The following OSBPL3 variants were observed in gnomAD, a reference collection of about 807,000 sequenced individuals.
OSBPL3 encodes the protein oxysterol-binding protein-related protein 3.
Under a neutral mutation model 120.1 loss-of-function variants are expected in OSBPL3, and 65 were observed. That is an observed-to-expected ratio of 0.54 (90% confidence interval 0.44 to 0.67). The LOEUF (loss-of-function observed/expected upper bound fraction) is 0.67. OSBPL3 is among the 30% of genes least tolerant of loss of function. The probability of loss-of-function intolerance (pLI) is 0.00; values close to 1 mark genes in which losing one functional copy is unlikely to be tolerated. For missense variants in OSBPL3, 1,004 were observed against 1,082.1 expected (o/e 0.93, Z 1.01); for synonymous variants, 416 against 402.6 (o/e 1.03, Z -0.40).
chr7:24,928,631 T>C (rs1811401264), intron 1 of OSBPL3, among the ~76,000 whole-genome samples: 1 of 152,148 alleles, frequency 6.6e-6, no homozygotes, highest in Non-Finnish European at 1.5e-5. Flanking sequence ...AATCAACACC[T>C]CAAAGAACAT....
At chr7:24,917,382 C>CATATATATATATTTGTAACATATATAT (rs775028214) in intron 1 of OSBPL3, among the ~76,000 whole-genome samples, 4 of 97,030 alleles carry the variant, frequency 4.1e-5, no homozygotes, top group Non-Finnish European at 6.0e-5. Context: ...ATATTTGTAA[C>CATATATATATATTTGTAACATATATAT]ATATATATAT....
chr7:24,918,268 T>C lies in OSBPL3; in HGVS notation c.-149-25647A>G, dbSNP rs1425729373. ...CAGTGTGCTTTCCTACTTGACCCTA[T>C]CCTCCCTAAGTTTCCCTCCTTGGTT... On this transcript the variant is annotated intron_variant, in intron 1 of 22. Coordinates refer to ENST00000313367, the MANE Select transcript of OSBPL3 (RefSeq NM_015550.4). This position sits in a 1 kb window ranked among gnomAD's most constrained non-coding sequence, Gnocchi z 4.3. Among the ~76,000 whole-genome samples the C allele has an allele frequency of 2.0e-5, 3 of 152,162 alleles. No homozygotes were observed. Among genetic ancestry groups the C allele is most frequent in the African/African-American group, 7.2e-5 (3 of 41,442 alleles).
rs1202066498 is a variant in OSBPL3 at position 24,940,230 on chromosome 7, A to G, written c.-150+39656T>C. 6.6e-6 allele frequency among the ~76,000 whole-genome samples: 1 copy of G among 152,200 alleles called. No homozygotes were observed. The highest frequency in any genetic ancestry group is 1.5e-5 in the Non-Finnish European group (1 of 68,012). The stretch of plus-strand genomic sequence containing the variant: ...TTTCAGATCAAAAGCTTCTGTTAAT[A>G]TTAAAATCATAAATTTGTAAGAAAG... On this transcript the variant is annotated intron_variant, in intron 1 of 22. Transcript: ENST00000313367. The surrounding 1 kb of genome is among the most constrained non-coding windows in gnomAD (Gnocchi z 4.4).
Position 24,844,715 on chromosome 7 carries a change from A to G in OSBPL3, c.1267-2302T>C, listed in dbSNP as rs530088445. On this transcript the variant is annotated intron_variant, in intron 12 of 22. Transcript: ENST00000313367. The stretch of plus-strand genomic sequence containing the variant: ...GAAAATAAAAATAGGTATTCAAAAT[A>G]GAAAATTTTAAAAAAGCAAATTAAA... 2.6e-5 allele frequency among the ~76,000 whole-genome samples: 4 copies of G among 152,354 alleles called. No homozygotes were observed. The East Asian group carries it at 7.7e-4, about 29-fold the overall frequency.
intron 10 of OSBPL3, among the ~76,000 whole-genome samples, chr7:24,857,235 T>A (rs557788661): frequency 1.2e-3 from 181 of 152,358 alleles, no homozygotes; most frequent in Middle Eastern, 3.4e-3. Context: ...CTTTCACATT[T>A]GTGAATGAGG....
intron 1 of OSBPL3, among the ~76,000 whole-genome samples, chr7:24,902,701 AAAT>A (rs70942894): frequency 0.046 from 6,671 of 143,984 alleles, 303 homozygotes; most frequent in African/African-American, 0.12. Flanking sequence ...AAGAGAAAAT[AAAT>A]AATAATAATA....
rs1012144307 is a variant in OSBPL3, at chr7:24,959,300, T to C, written c.-150+20586A>G. ...AGAATATTCACAGCAGCACTAATCA[T>C]AAAAACCCCAAACAGAAAAAAAAAC... On this transcript the variant is annotated intron_variant, in intron 1 of 22. Transcript: ENST00000313367. This position sits in a 1 kb window ranked among gnomAD's most constrained non-coding sequence, Gnocchi z 4.3. 1.3e-5 allele frequency among the ~76,000 whole-genome samples: 2 copies of C among 151,460 alleles called. No individual in the cohort carries two copies. The highest frequency in any genetic ancestry group is 4.2e-4 in the South Asian group (2 of 4,792).
At position 24,939,351 on chromosome 7, in the gene OSBPL3, TGAG is replaced by T; in HGVS notation, c.-150+40532_-150+40534del. Among the ~76,000 whole-genome samples the T allele has an allele frequency of 6.6e-6, 1 of 152,324 alleles. No homozygotes were observed. The highest frequency in any genetic ancestry group is 2.4e-5 in the African/African-American group (1 of 41,564). On this transcript the variant is annotated intron_variant, in intron 1 of 22. Coordinates refer to ENST00000313367, the MANE Select transcript of OSBPL3 (RefSeq NM_015550.4). This position sits in a 1 kb window ranked among gnomAD's most constrained non-coding sequence, Gnocchi z 4.2. ...TTCAGCTATTAGGAAGCTATGTGCT[TGAG>T]GAGAGCTTGGGCTCCTCCCCAACCC...
intron 1 of OSBPL3, among the ~76,000 whole-genome samples, chr7:24,979,390 G>A (rs1332109900): frequency 6.6e-6 from 1 of 152,180 alleles, no homozygotes; most frequent in East Asian, 1.9e-4. Context: ...CCGGGGAGCT[G>A]AGCAAGCCGG....
rs1253345680 is a variant in OSBPL3, at chr7:24,966,753, T to C, written c.-150+13133A>G. 6.6e-6 allele frequency among the ~76,000 whole-genome samples: 1 copy of C among 152,224 alleles called. No homozygotes were observed. The highest frequency in any genetic ancestry group is 2.4e-5 in the African/African-American group (1 of 41,440). Reference sequence around the variant, plus strand: ...CTATGTTTGTGTATATGTATGTTTATAAGGTAAAAGAACTGCTAGTACAAA... The same window carrying C: ...CTATGTTTGTGTATATGTATGTTTACAAGGTAAAAGAACTGCTAGTACAAA... On this transcript the variant is annotated intron_variant, in intron 1 of 22. Coordinates refer to ENST00000313367, the MANE Select transcript of OSBPL3 (RefSeq NM_015550.4). The surrounding 1 kb of genome is among the most constrained non-coding windows in gnomAD (Gnocchi z 4.8).
At chr7:24,958,857 GT>G (rs1815384639) in intron 1 of OSBPL3, among the ~76,000 whole-genome samples, 1 of 152,122 alleles carries the variant, frequency 6.6e-6, no homozygotes, top group African/African-American at 2.4e-5. Context: ...CTGCAGACTT[GT>G]TCTTTGGCCT....
intron 14 of OSBPL3, among the ~76,000 whole-genome samples, chr7:24,838,267 G>A (rs1318519992): frequency 1.3e-5 from 2 of 152,206 alleles, no homozygotes; most frequent in Non-Finnish European, 1.5e-5. Context: ...AGGCTGAGGC[G>A]GGCAGATTAC....
rs1005514972 is a variant in OSBPL3, at chr7:24,798,656, G to C, written c.*1527C>G. ...TTTGAAAATGCAATATTGTCCAACT[G>C]GTTATTTGGTGTGACAATGAAAAAT... is the stretch of plus-strand genomic sequence containing the variant. On this transcript the variant is annotated 3_prime_UTR_variant, in exon 23 of 23. Transcript: ENST00000313367. The surrounding 1 kb of genome is among the most constrained non-coding windows in gnomAD (Gnocchi z 4.6). 6.6e-6 allele frequency: 1 copy of C among 152,246 alleles called. No homozygotes were observed. The highest frequency in any genetic ancestry group is 2.4e-5 in the African/African-American group (1 of 41,418). The allele number at this position is 152,246 out of a possible 1,614,324, so 9.4% of individuals were successfully genotyped here.
At chr7:24,973,376 G>C (rs1176637877) in intron 1 of OSBPL3, among the ~76,000 whole-genome samples, 1 of 152,078 alleles carries the variant, frequency 6.6e-6, no homozygotes, top group Non-Finnish European at 1.5e-5. Context: ...TATTCCCTAA[G>C]AATCATATTC....
Position 24,802,507 on chromosome 7 carries a change from A to G in OSBPL3, c.2567+1808T>C, listed in dbSNP as rs138851287. Among the ~76,000 whole-genome samples the G allele has an allele frequency of 3.9e-5, 6 of 152,356 alleles. No individual in the cohort carries two copies. The East Asian group carries it at 1.2e-3, about 29-fold the overall frequency. On this transcript the variant is annotated intron_variant, in intron 22 of 22. Coordinates refer to ENST00000313367, the MANE Select transcript of OSBPL3 (RefSeq NM_015550.4). This position sits in a 1 kb window ranked among gnomAD's most constrained non-coding sequence, Gnocchi z 4.1. ...CTTTCCGTCCTTTTTCATTCCAGACACAATTCCTTCCTGATTGCAATGACA... is the reference window on the plus strand; with the variant it reads ...CTTTCCGTCCTTTTTCATTCCAGACGCAATTCCTTCCTGATTGCAATGACA...
At position 24,872,048 on chromosome 7, in the gene OSBPL3, C is replaced by T; in HGVS notation, c.118G>A (p.Gly40Arg). 1.2e-6 allele frequency: 2 copies of T among 1,611,244 alleles called. No homozygotes were observed. Among genetic ancestry groups the T allele is most frequent in the African/African-American group, 1.3e-5 (1 of 74,964 alleles). ...SRQDSWEVVEGLRGEMNYTQE... is the reference protein window; with the variant it reads ...SRQDSWEVVERLRGEMNYTQE... ...GTGTAATTCATCTCCCCCCTCAGTC[C>T]TTCCACCACTTCCCAGCTGTCCTGT... Residue 40 changes from glycine (G) to arginine (R), a missense_variant, in exon 3 of 23, where the codon GGA becomes AGA. By Grantham distance (125) the Gly-to-Arg change is moderately radical. Coordinates refer to ENST00000313367, the MANE Select transcript of OSBPL3 (RefSeq NM_015550.4). This position sits in a 1 kb window ranked among gnomAD's most constrained non-coding sequence, Gnocchi z 4.1.
chr7:24,844,535 T>G (rs1007896526), intron 12 of OSBPL3, among the ~76,000 whole-genome samples: 1 of 152,192 alleles, frequency 6.6e-6, no homozygotes, highest in Non-Finnish European at 1.5e-5. Context: ...GGAACATTCA[T>G]AGCTCACACT....
At chr7:24,945,669 A>C (rs1436595202) in intron 1 of OSBPL3, among the ~76,000 whole-genome samples, 3 of 152,258 alleles carry the variant, frequency 2.0e-5, no homozygotes, top group Non-Finnish European at 2.9e-5. Context: ...TAAGACCCTG[A>C]AAAGCTAAGC....
rs1057397599 is a variant in OSBPL3, at chr7:24,899,939, C to T, written c.-149-7318G>A. ...GTGATTTTTGCTTAAAGTTTGAGAA[C>T]GTAACTGACTTAGCCTGTAGCTTTC... On this transcript the variant is annotated intron_variant, in intron 1 of 22. Coordinates refer to ENST00000313367, the MANE Select transcript of OSBPL3 (RefSeq NM_015550.4). This position sits in a 1 kb window ranked among gnomAD's most constrained non-coding sequence, Gnocchi z 4.0. Among the ~76,000 whole-genome samples the T allele has an allele frequency of 2.0e-5, 3 of 152,178 alleles. No individual in the cohort carries two copies. Among genetic ancestry groups the T allele is most frequent in the Non-Finnish European group, 2.9e-5 (2 of 68,042 alleles).
Sources: allele counts gnomAD v4.1 joint callset (sites outside exome capture counted in the v4.1 genomes callset), GRCh38; gene constraint gnomAD v4.1.1; non-coding constraint Gnocchi (gnomAD v3.1); transcripts MANE v1.5; gene names NCBI Gene and HGNC (gene_info 2026-07-23, HGNC 2026-07-21).